Variants in FRMD6 observed in about 807,000 individuals in gnomAD.
FRMD6 encodes the protein FERM domain-containing protein 6.
Under a neutral mutation model 73.2 loss-of-function variants are expected in FRMD6, and 37 were observed. The observed-to-expected ratio is 0.51, with a 90% CI of 0.39 to 0.66. The LOEUF (loss-of-function observed/expected upper bound fraction) is 0.66, where lower values mean the gene tolerates loss of function less well. Ranked by LOEUF, FRMD6 falls within the 30% of genes least tolerant of loss-of-function variation. The pLI is 0.00. For missense variants in FRMD6, 714 were observed against 780.5 expected, an observed-to-expected ratio of 0.91 and a Z score of 1.02; for synonymous variants, 273 against 282.2, an observed-to-expected ratio of 0.97 and a Z score of 0.33.
chr14:51,718,380 A>G (rs920771133), intron 10 of FRMD6, among the ~76,000 whole-genome samples: 1 of 152,242 alleles, frequency 6.6e-6, no homozygotes, highest in Non-Finnish European at 1.5e-5. Context: ...AAAAGGCTAT[A>G]TGTAAAGATA....
At chr14:51,586,544 GT>G (rs1270645012) in intron 2 of FRMD6, among the ~76,000 whole-genome samples, 13 of 152,036 alleles carry the variant, frequency 8.6e-5, no homozygotes, top group Non-Finnish European at 1.8e-4. Context: ...TCTCTTGATT[GT>G]TTCTTTTTGC....
intron 1 of FRMD6, among the ~76,000 whole-genome samples, chr14:51,518,953 A>T (rs764258726): frequency 7.2e-5 from 11 of 152,242 alleles, no homozygotes; most frequent in Non-Finnish European, 1.3e-4. Flanking sequence ...TCATGCATGC[A>T]TACAGTCATT....
At chr14:51,688,797 G>T (rs1007335500) in intron 1 of FRMD6, among the ~76,000 whole-genome samples, 4 of 152,130 alleles carry the variant, frequency 2.6e-5, no homozygotes, top group African/African-American at 4.8e-5. Flanking sequence ...AAATTATTCT[G>T]CAAGATCTCA....
intron 1 of FRMD6, among the ~76,000 whole-genome samples, chr14:51,567,472 T>G (rs1257256705): frequency 6.6e-6 from 1 of 152,138 alleles, no homozygotes; most frequent in Non-Finnish European, 1.5e-5. Flanking sequence ...ACAGTCTCCT[T>G]AGTAGCTAGG....
rs1566591091 is a variant in FRMD6 at position 51,715,350 on chromosome 14, A to G, written c.875A>G (p.Asp292Gly). 4 of 1,574,336 alleles carry G rather than the reference A, an allele frequency of 2.5e-6. No individual in the cohort carries two copies. The highest frequency in any genetic ancestry group is 3.5e-6 in the Non-Finnish European group (4 of 1,158,516). Residue 292 changes from aspartate to glycine, a missense_variant, in exon 10 of 14, where the codon GAT becomes GGT. By Grantham distance (94) the Asp-to-Gly change is moderately conservative. Coordinates refer to ENST00000344768, the MANE Select transcript of FRMD6 (RefSeq NM_001267046.2). The stretch of plus-strand genomic sequence containing the variant: ...GGTAAGAAATTTGAGATTTTGCCAG[A>G]TGGCTTGCCTTCTGCCCGGAAGCTC... ...FVGKKFEILP[D>G]GLPSARKLIY...
chr14:51,443,643 T>C, the FRMD6 span, among the ~76,000 whole-genome samples: 2 of 152,208 alleles, frequency 1.3e-5, no homozygotes, highest in Non-Finnish European at 2.9e-5. Context: ...GTCTTTCCCA[T>C]GCGGGGTTTG....
At chr14:51,690,802 G>A (rs1215010813) in intron 2 of FRMD6, among the ~76,000 whole-genome samples, 2 of 152,166 alleles carry the variant, frequency 1.3e-5, no homozygotes, top group African/African-American at 4.8e-5. Context: ...CTTATGGTTT[G>A]TGAGTCATAG....
At chr14:51,585,232 A>G (rs1056474203) in intron 2 of FRMD6, among the ~76,000 whole-genome samples, 7 of 152,120 alleles carry the variant, frequency 4.6e-5, no homozygotes, top group African/African-American at 1.7e-4. Flanking sequence ...CAGCAAAGCT[A>G]TCCTAGGCCC....
chr14:51,495,198 C>T (rs116015251), intron 1 of FRMD6, among the ~76,000 whole-genome samples: 3,012 of 152,312 alleles, frequency 0.02, 43 homozygotes, highest in Middle Eastern at 0.058. Context: ...ACAAGGATCA[C>T]CTTTCTTCCA....
At chr14:51,527,998 T>G (rs1332281059) in intron 1 of FRMD6, among the ~76,000 whole-genome samples, 3 of 152,084 alleles carry the variant, frequency 2.0e-5, no homozygotes, top group Admixed American at 1.3e-4. Context: ...AAAAATTAGC[T>G]GAGCATGGTG....
At chr14:51,633,675 G>C (rs1185432202) in intron 2 of FRMD6, among the ~76,000 whole-genome samples, 3 of 148,080 alleles carry the variant, frequency 2.0e-5, no homozygotes, top group Non-Finnish European at 4.5e-5. Flanking sequence ...ATAAAAAGCA[G>C]TGTTTTGTTT....
chr14:51,604,613 G>A (rs903843545), intron 2 of FRMD6, among the ~76,000 whole-genome samples: 1 of 152,100 alleles, frequency 6.6e-6, no homozygotes. Flanking sequence ...AAGAGAATGG[G>A]AAGAGGTGAA....
At chr14:51,577,271 G>C (rs1032251525) in intron 2 of FRMD6, among the ~76,000 whole-genome samples, 2 of 144,042 alleles carry the variant, frequency 1.4e-5, no homozygotes, top group Non-Finnish European at 3.1e-5. Flanking sequence ...TACTCCAATG[G>C]AAAAAAAAAA....
chr14:51,696,741 C>T (rs954147976), intron 2 of FRMD6, among the ~76,000 whole-genome samples: 1 of 125,814 alleles, frequency 7.9e-6, no homozygotes, highest in Admixed American at 8.7e-5. Context: ...AGTGAGAGAC[C>T]CTGTCTCTAC....
chr14:51,477,199 A>G, the FRMD6 span, among the ~76,000 whole-genome samples: 2 of 152,268 alleles, frequency 1.3e-5, no homozygotes, highest in African/African-American at 4.8e-5. Context: ...AGAAAGAATC[A>G]GAGATTTATA....
chr14:51,636,402 G>C (rs1443051468), intron 2 of FRMD6, among the ~76,000 whole-genome samples: 1 of 152,182 alleles, frequency 6.6e-6, no homozygotes, highest in Non-Finnish European at 1.5e-5. Flanking sequence ...AGCTGGTGGA[G>C]ATCACTGCCT....
chr14:51,434,151 A>G, the FRMD6 span, among the ~76,000 whole-genome samples: 1 of 152,204 alleles, frequency 6.6e-6, no homozygotes, highest in Non-Finnish European at 1.5e-5. Flanking sequence ...AGGAGGTATC[A>G]GCGTAAACTC....
intron 8 of FRMD6, 44 bp from the exon 9 acceptor site, chr14:51,712,438 TC>T: frequency 8.6e-7 from 1 of 1,156,454 alleles, no homozygotes; most frequent in South Asian, 1.3e-5. Context: ...TTTTACAGTA[TC>T]TATCATTTTT....
At chr14:51,531,632 T>C (rs1417665294) in intron 1 of FRMD6, among the ~76,000 whole-genome samples, 2 of 152,216 alleles carry the variant, frequency 1.3e-5, no homozygotes, top group Non-Finnish European at 1.5e-5. Context: ...CATTACATAA[T>C]GAATAGCACA....
Sources: gnomAD v4.1 joint callset for allele counts (sites outside exome capture counted in the v4.1 genomes callset) on GRCh38, gnomAD v4.1.1 for gene constraint, MANE v1.5 for transcripts, NCBI Gene and HGNC (gene_info 2026-07-23, HGNC 2026-07-21) for gene names.